RNF128: variants seen among roughly 807,000 people sequenced by gnomAD.
RNF128 encodes ring finger protein 128, also known as E3 ubiquitin-protein ligase RNF128.
In RNF128, 13 loss-of-function variants were observed where a neutral mutation model predicts 26.2. The observed-to-expected ratio is 0.50, with a 90% CI of 0.32 to 0.79. The LOEUF (loss-of-function observed/expected upper bound fraction) is 0.79. Ranked by LOEUF, RNF128 falls within the 30% of genes least tolerant of loss-of-function variation. The pLI, the probability that RNF128 is intolerant of heterozygous loss-of-function variation, is 0.03. For synonymous variants in RNF128, 149 were observed against 142.5 expected (o/e 1.05, Z -0.32); for missense variants, 315 against 349.7 (o/e 0.90, Z 0.79).
At position 106,727,137 on chromosome X, in the gene RNF128, C is replaced by T; in HGVS notation, c.224C>T (p.Ser75Leu). 1 of 1,208,034 alleles carries T rather than the reference C, an allele frequency of 8.3e-7. No individual in the cohort carries two copies. The highest frequency in any genetic ancestry group is 1.1e-6 in the Non-Finnish European group (1 of 894,108). Residue 75 changes from serine (S) to leucine (L), a missense_variant, in exon 1 of 7, where the codon TCG becomes TTG. Coordinates refer to ENST00000255499, the MANE Select transcript of RNF128 (RefSeq NM_194463.2). ...LSEEGVYGQD[S>L]PLEPVAGVLV... Reference sequence around the variant, plus strand: ...GAGGAGGGCGTGTACGGCCAGGACTCGCCGCTGGAGCCTGTGGCTGGGGTC... The same window carrying T: ...GAGGAGGGCGTGTACGGCCAGGACTTGCCGCTGGAGCCTGTGGCTGGGGTC...
intron 1 of RNF128, among the ~76,000 whole-genome samples, chrX:106,729,408 TTA>T (rs753639969): frequency 1.8e-5 from 2 of 109,355 alleles, no homozygotes; most frequent in Non-Finnish European, 3.8e-5. Flanking sequence ...TTATTAAGGA[TTA>T]TATATATATA....
At chrX:106,713,770 A>G (rs1490566817) in intron 1 of RNF128, among the ~76,000 whole-genome samples, 3 of 111,670 alleles carry the variant, frequency 2.7e-5, no homozygotes, top group Non-Finnish European at 5.6e-5. Flanking sequence ...TAACTTTCAT[A>G]AGGTCCATAC....
chrX:106,783,335 TGTAGCAAATATATATTGGCAA>T (rs1930596594), intron 2 of RNF128, among the ~76,000 whole-genome samples: 2 of 112,012 alleles, frequency 1.8e-5, no homozygotes, highest in Non-Finnish European at 3.8e-5. Flanking sequence ...TTGTAGCATT[TGTAGCAAATATATATTGGCAA>T]GTACCTGTTA....
At chrX:106,698,177 C>CTG (rs1384992751) in intron 1 of RNF128, among the ~76,000 whole-genome samples, 2 of 106,302 alleles carry the variant, frequency 1.9e-5, no homozygotes, top group Non-Finnish European at 1.9e-5. Context: ...TAAGTACTTG[C>CTG]TTGCTGAGCA....
chrX:106,698,074 C>T lies in RNF128; in HGVS notation c.406+3666C>T, dbSNP rs144926794. ...TATGTAACTTCCTAACAATCTTTTC[C>T]GAGCACTGCAGACATGGCCTTTCAG... On this transcript the variant is annotated intron_variant, in intron 1 of 6. Coordinates refer to the RNF128 transcript ENST00000324342. Among the ~76,000 whole-genome samples, 397 of 106,132 alleles carry T rather than the reference C, an allele frequency of 3.7e-3. 2 individuals carry two copies. The highest frequency in any genetic ancestry group is 0.019 in the Middle Eastern group (4 of 207). 92.2% of individuals were successfully genotyped at this position (106,132 alleles called of 115,157 possible).
chrX:106,771,137 C>A (rs1016435292), intron 1 of RNF128, among the ~76,000 whole-genome samples: 3 of 112,155 alleles, frequency 2.7e-5, no homozygotes, highest in Admixed American at 9.4e-5. Context: ...AGAGGGGCAC[C>A]CCACTGTATG....
Position 106,743,147 on chromosome X carries a change from G to T in RNF128, c.484+15750G>T, listed in dbSNP as rs1410568285. 2.7e-5 allele frequency among the ~76,000 whole-genome samples: 3 copies of T among 111,767 alleles called. No individual in the cohort carries two copies. In the East Asian group the frequency reaches 8.4e-4, roughly 31 times the overall value. On this transcript the variant is annotated intron_variant, in intron 1 of 6. Coordinates refer to ENST00000255499, the MANE Select transcript of RNF128 (RefSeq NM_194463.2). ...ATTCAGACTTCAGTCCTATTTGGAA[G>T]ATATTTTCTCTAAAGTTAACTGGGT...
At chrX:106,731,368 G>A (rs1021348409) in intron 1 of RNF128, among the ~76,000 whole-genome samples, 8 of 111,325 alleles carry the variant, frequency 7.2e-5, no homozygotes, top group African/African-American at 2.3e-4. Context: ...ATCTTTTTCC[G>A]TTCACAGAGG....
rs897828645 is a variant in RNF128 at position 106,716,067 on chromosome X, C to T, written c.406+21659C>T. 4.5e-5 allele frequency among the ~76,000 whole-genome samples: 5 copies of T among 111,888 alleles called. No homozygotes were observed. The Admixed American group carries it at 4.7e-4, about 11-fold the overall frequency. ...CCAAATCTGCTCTGCTCTGTCCTGA[C>T]TCTGAGCTTTTGTTACTGCTATATC... On this transcript the variant is annotated intron_variant, in intron 1 of 6. Transcript: ENST00000324342.
intron 1 of RNF128, among the ~76,000 whole-genome samples, chrX:106,719,311 C>T (rs1252618783): frequency 9.0e-6 from 1 of 110,874 alleles, no homozygotes; most frequent in East Asian, 2.8e-4. Flanking sequence ...CCTCCCCCAC[C>T]CTGGGTTCAA....
chrX:106,697,011 G>A (rs1433954105), intron 1 of RNF128, among the ~76,000 whole-genome samples: 1 of 111,384 alleles, frequency 9.0e-6, no homozygotes, highest in African/African-American at 3.3e-5. Flanking sequence ...GGTTTCTTGG[G>A]ATATGGGACT....
chrX:106,789,522 T>C (rs1055621740), intron 4 of RNF128, among the ~76,000 whole-genome samples: 1 of 102,957 alleles, frequency 9.7e-6, no homozygotes, highest in African/African-American at 3.4e-5. Context: ...ATTATATACA[T>C]TATACACTAT....
intron 6 of RNF128, among the ~76,000 whole-genome samples, chrX:106,792,324 A>G (rs181427854): frequency 1.4e-4 from 15 of 108,395 alleles, no homozygotes; most frequent in Admixed American, 3.0e-4. Context: ...TTTAAAAAAC[A>G]ACATTCCAAT....
intron 1 of RNF128, among the ~76,000 whole-genome samples, chrX:106,710,742 CTG>C (rs371018455): frequency 0.024 from 1,031 of 43,005 alleles, 18 homozygotes; most frequent in African/African-American, 0.077. Flanking sequence ...GGACGAAAGT[CTG>C]TCAAAAAAAA....
intron 1 of RNF128, among the ~76,000 whole-genome samples, chrX:106,728,912 A>G (rs765069060): frequency 1.8e-3 from 206 of 112,178 alleles, no homozygotes; most frequent in African/African-American, 6.3e-3. Flanking sequence ...CTCTTGGCCG[A>G]TAATTCATTG....
chrX:106,785,474 A>G (rs186548345), intron 3 of RNF128, among the ~76,000 whole-genome samples: 62 of 111,454 alleles, frequency 5.6e-4, no homozygotes, highest in Non-Finnish European at 9.2e-4. Context: ...GGGAGATTTG[A>G]CCACAGTACA....
intron 4 of RNF128, among the ~76,000 whole-genome samples, 198 bp downstream of exon 4, chrX:106,788,198 T>A (rs780356868): frequency 1.2e-3 from 104 of 90,363 alleles, no homozygotes; most frequent in African/African-American, 3.9e-3. Context: ...ATAAGTCTAA[T>A]TGTAATCTGC....
rs188302987 is a variant in RNF128 at position 106,778,271 on chromosome X, A to G, written c.732+5111A>G. On this transcript the variant is annotated intron_variant, in intron 2 of 6. Transcript: ENST00000255499. ...TGTTTATAAATATTATGCTAACTGT[A>G]TAGTAACTATACTGACTACTGTACC... Among the ~76,000 whole-genome samples the G allele has an allele frequency of 8.3e-3, 930 of 111,935 alleles. 11 individuals carry two copies. Among genetic ancestry groups the G allele is most frequent in the Non-Finnish European group, 0.012 (660 of 53,234 alleles).
chrX:106,726,608 C>T, upstream of RNF128: 1 of 887,017 alleles, frequency 1.1e-6, no homozygotes, highest in Non-Finnish European at 1.4e-6. Flanking sequence ...AGAGGCGGAT[C>T]CCGCAGTGTC....
Sources: gnomAD v4.1 joint callset for allele counts (sites outside exome capture counted in the v4.1 genomes callset) on GRCh38, gnomAD v4.1.1 for gene constraint, MANE v1.5 for transcripts, NCBI Gene and HGNC (gene_info 2026-07-23, HGNC 2026-07-21) for gene names.